The following VPS13D variants were observed in gnomAD, a reference collection of about 807,000 sequenced individuals.
VPS13D encodes the protein intermembrane lipid transfer protein VPS13D.
VPS13D carries 187 observed loss-of-function variants against 461.9 expected under a neutral mutation model. The ratio of observed to expected loss-of-function variants is 0.40; its 90% CI spans 0.36 to 0.46. The LOEUF is 0.46. VPS13D is among the 20% of genes least tolerant of loss of function. The pLI is 0.60. For missense variants in VPS13D, 4,711 were observed against 5,364.9 expected (o/e 0.88, Z 3.81); for synonymous variants, 1,951 against 1,986.3 (o/e 0.98, Z 0.47).
chr1:12,484,832 C>CT (rs966241727), intron 67 of VPS13D, among the ~76,000 whole-genome samples: 157 of 148,322 alleles, frequency 1.1e-3, no homozygotes, highest in Non-Finnish European at 7.9e-4. Flanking sequence ...GAATCCGAAT[C>CT]TTTTTTTTTT....
intron 56 of VPS13D, among the ~76,000 whole-genome samples, chr1:12,378,890 C>A (rs773327223): frequency 3.3e-5 from 5 of 152,124 alleles, no homozygotes; most frequent in African/African-American, 4.8e-5. Flanking sequence ...GAAGTAGTTT[C>A]TTTTTTACAT....
intron 27 of VPS13D, 41 bp from the exon 28 acceptor site, chr1:12,311,413 A>G: frequency 6.4e-7 from 1 of 1,567,276 alleles, no homozygotes; most frequent in African/African-American, 1.4e-5. Context: ...GTGTTAAGTT[A>G]GTGACTTGTC....
At chr1:12,344,984 A>G (rs28558814) in intron 42 of VPS13D, 12,408 of 159,408 alleles carry the variant, frequency 0.078, 856 homozygotes, top group African/African-American at 0.18. Context: ...AAAGGAACCA[A>G]GAATAATTTT....
intron 67 of VPS13D, among the ~76,000 whole-genome samples, chr1:12,475,677 C>T (rs1645621640): frequency 3.3e-5 from 5 of 152,228 alleles, no homozygotes; most frequent in Admixed American, 3.3e-4. Context: ...CACTTCAGCC[C>T]TCCCTCTGAT....
intron 65 of VPS13D, 130 bp from the exon 66 acceptor site, chr1:12,455,868 G>T: frequency 8.7e-7 from 1 of 1,146,756 alleles, no homozygotes; most frequent in South Asian, 2.2e-5. Context: ...GTGATGAGAT[G>T]AGATCACACC....
At chr1:12,499,647 G>A in intron 68 of VPS13D, 3 of 985,430 alleles carry the variant, frequency 3.0e-6, no homozygotes, top group African/African-American at 1.7e-5. Flanking sequence ...TGGCATGAAT[G>A]AATTTTGACT....
Position 12,244,545 on chromosome 1 carries a change from C to G in VPS13D, c.375C>G (p.Arg125=). 6.2e-7 allele frequency: 1 copy of G among 1,614,190 alleles called. No homozygotes were observed. ...GACTCTTGTCTTTGTAGAATGACCG[C>G]CAGCAGAAAGGGGAGTCCTATTGGT... ...QALEEKWKND[R]QQKGESYWYS... is the part of the protein sequence containing the mutation. Residue 125 remains arginine, a synonymous_variant, in exon 5 of 70, where the codon CGC becomes CGG. Coordinates refer to ENST00000620676, the MANE Select transcript of VPS13D (RefSeq NM_015378.4).
At chr1:12,329,494 TGA>T (rs1291283542) in intron 36 of VPS13D, among the ~76,000 whole-genome samples, 1 of 152,182 alleles carries the variant, frequency 6.6e-6, no homozygotes, top group Non-Finnish European at 1.5e-5. Context: ...TTTACAGGCA[TGA>T]GCCACCGTAC....
intron 57 of VPS13D, 82 bp from the exon 58 acceptor site, chr1:12,382,894 A>T: frequency 1.5e-6 from 2 of 1,300,998 alleles, no homozygotes; most frequent in Non-Finnish European, 2.1e-6. Context: ...TAAATTTAGG[A>T]ACTTGTTTGA....
intron 52 of VPS13D, among the ~76,000 whole-genome samples, chr1:12,364,640 A>C (rs573059408): frequency 6.6e-6 from 1 of 152,042 alleles, no homozygotes; most frequent in South Asian, 2.1e-4. Context: ...CCTCACCAAC[A>C]CTTGTTTTCT....
intron 55 of VPS13D, among the ~76,000 whole-genome samples, chr1:12,374,166 T>C (rs1644164259): frequency 1.3e-5 from 2 of 152,254 alleles, no homozygotes; most frequent in South Asian, 4.1e-4. Context: ...TAAGTAGCAA[T>C]AATTGTAACA....
At chr1:12,347,855 A>C (rs1643709414) in intron 44 of VPS13D, among the ~76,000 whole-genome samples, 1 of 152,226 alleles carries the variant, frequency 6.6e-6, no homozygotes, top group South Asian at 2.1e-4. Context: ...ACTTTTAAGA[A>C]AATTTCCTGT....
At chr1:12,259,127 G>C in intron 10 of VPS13D, among the ~76,000 whole-genome samples, 1 of 150,100 alleles carries the variant, frequency 6.7e-6, no homozygotes, top group East Asian at 1.9e-4. Flanking sequence ...TGCAACCTCC[G>C]TCACCCTGGG....
chr1:12,253,916 C>G, intron 7 of VPS13D, 90 bp downstream of exon 7: 1 of 981,420 alleles, frequency 1.0e-6, no homozygotes, highest in Non-Finnish European at 1.6e-6. Context: ...TCTCTTGCCT[C>G]TCTGATTCCA....
intron 7 of VPS13D, among the ~76,000 whole-genome samples, chr1:12,255,575 A>T (rs1455678567): frequency 2.6e-5 from 4 of 151,954 alleles, no homozygotes; most frequent in Non-Finnish European, 4.4e-5. Context: ...TTAAAATTTT[A>T]AACGATGTGA....
intron 63 of VPS13D, among the ~76,000 whole-genome samples, chr1:12,411,963 C>T (rs544470602): frequency 5.9e-5 from 9 of 152,324 alleles, no homozygotes; most frequent in Non-Finnish European, 1.3e-4. Context: ...ATTATTATAT[C>T]TCTCGCATCC....
intron 65 of VPS13D, among the ~76,000 whole-genome samples, chr1:12,425,025 G>A (rs1644907491): frequency 6.6e-6 from 1 of 152,124 alleles, no homozygotes; most frequent in Non-Finnish European, 1.5e-5. Context: ...CCTTTTCTGT[G>A]ATTCAGTATT....
At chr1:12,409,538 T>A (rs906417518) in intron 63 of VPS13D, among the ~76,000 whole-genome samples, 3 of 152,086 alleles carry the variant, frequency 2.0e-5, no homozygotes, top group Non-Finnish European at 2.9e-5. Flanking sequence ...ATAGAAAAAA[T>A]ATAAAATTAG....
intron 67 of VPS13D, among the ~76,000 whole-genome samples, chr1:12,488,262 C>A (rs1645828223): frequency 6.6e-6 from 1 of 152,220 alleles, no homozygotes; most frequent in Non-Finnish European, 1.5e-5. Flanking sequence ...TTAACTTTTA[C>A]AAGTACCTAC....
Sources: gnomAD v4.1 joint callset for allele counts (sites outside exome capture counted in the v4.1 genomes callset) on GRCh38, gnomAD v4.1.1 for gene constraint, MANE v1.5 for transcripts, NCBI Gene and HGNC (gene_info 2026-07-23, HGNC 2026-07-21) for gene names.